Variants in PCCB observed in about 807,000 individuals in gnomAD.
PCCB encodes propionyl-CoA carboxylase beta chain, mitochondrial.
Under a neutral mutation model 60.7 loss-of-function variants are expected in PCCB, and 43 were observed. The ratio of observed to expected loss-of-function variants is 0.71; its 90% CI spans 0.55 to 0.91. The LOEUF (loss-of-function observed/expected upper bound fraction) is 0.91. PCCB is among the 40% of genes least tolerant of loss of function. PCCB has a pLI of 0.00. For synonymous variants in PCCB, 276 were observed against 255.9 expected (o/e 1.08, Z -0.75); for missense variants, 766 against 702.8 (o/e 1.09, Z -1.02).
intron 5 of PCCB, among the ~76,000 whole-genome samples, chr3:136,264,083 T>A (rs1160900639): frequency 6.6e-6 from 1 of 152,124 alleles, no homozygotes; most frequent in Non-Finnish European, 1.5e-5. Flanking sequence ...TATGTCCTTT[T>A]CCCAGATTCA....
At chr3:136,273,590 C>CTTT (rs1942257481) in intron 5 of PCCB, among the ~76,000 whole-genome samples, 1 of 65,638 alleles carries the variant, frequency 1.5e-5, no homozygotes, top group African/African-American at 6.0e-5. Context: ...TTTTTTTTTT[C>CTTT]TTTTTTCTTT....
intron 6 of PCCB, 61 bp from the exon 7 acceptor site, chr3:136,293,695 C>A: frequency 9.6e-7 from 1 of 1,038,254 alleles, no homozygotes; most frequent in Non-Finnish European, 1.5e-6. Context: ...TGAATCAACT[C>A]TAAGGCTGTG....
rs150955218 is a variant in PCCB at position 136,284,750 on chromosome 3, A to C, written c.654+803A>C. On this transcript the variant is annotated intron_variant, in intron 6 of 14. Coordinates refer to ENST00000251654, the MANE Select transcript of PCCB (RefSeq NM_000532.5). ...CTATTCTGTTCTTAGTGATATACCGAAAGTAGTGTAAGTGTTCAACAATAA... is the reference window on the plus strand; with the variant it reads ...CTATTCTGTTCTTAGTGATATACCGCAAGTAGTGTAAGTGTTCAACAATAA... Among the ~76,000 whole-genome samples the C allele has an allele frequency of 5.4e-3, 821 of 152,252 alleles. 8 individuals carry two copies. The highest frequency in any genetic ancestry group is 0.018 in the African/African-American group (760 of 41,524).
intron 10 of PCCB, among the ~76,000 whole-genome samples, chr3:136,323,487 T>C (rs1263655442): frequency 7.9e-5 from 12 of 152,226 alleles, no homozygotes. Flanking sequence ...TTTGAATATA[T>C]TTAAGACTAG....
At chr3:136,317,623 AT>A (rs1221849696) in intron 10 of PCCB, among the ~76,000 whole-genome samples, 2 of 152,094 alleles carry the variant, frequency 1.3e-5, no homozygotes, top group African/African-American at 4.8e-5. Flanking sequence ...AAGGTTTTCA[AT>A]TTTTTAGGGG....
intron 8 of PCCB, among the ~76,000 whole-genome samples, chr3:136,300,048 C>CCA (rs566173418): frequency 6.6e-6 from 1 of 151,076 alleles, no homozygotes; most frequent in Non-Finnish European, 1.5e-5. Flanking sequence ...ATATGCATGC[C>CCA]CACACACATG....
rs1469031248 is a variant in PCCB, at chr3:136,250,493, G to A, written c.118G>A (p.Glu40Lys). The change falls in exon 1 of 15, where the codon GAA (glutamate) becomes AAA (lysine). Residue 40 changes from glutamate to lysine, a missense_variant. Glu to Lys is a moderately conservative substitution (Grantham distance 56). Coordinates refer to ENST00000251654, the MANE Select transcript of PCCB (RefSeq NM_000532.5). ...SQATSVNERI[E>K]NKRRTALLGG... The stretch of plus-strand genomic sequence containing the variant: ...GGCCACCTCTGTTAACGAACGCATC[G>A]AAAACAAGCGCCGGACCGCGCTGCT... The A allele has an allele frequency of 6.2e-7, 1 of 1,612,930 alleles. No homozygotes were observed. Among genetic ancestry groups the A allele is most frequent in the Admixed American group, 1.7e-5 (1 of 59,950 alleles).
At position 136,328,804 on chromosome 3, in the gene PCCB, C is replaced by T; in HGVS notation, c.1445C>T (p.Ala482Val). ...IFKGHENVEA[A>V]QAEYIEKFAN... ...AAAGGGCATGAGAATGTGGAAGCTG[C>T]TCAGGCAGAGTACATCGAGAAGTTT... Residue 482 changes from alanine to valine, a missense_variant, in exon 14 of 15, where the codon GCT becomes GTT. Coordinates refer to ENST00000251654, the MANE Select transcript of PCCB (RefSeq NM_000532.5). 2 of 1,614,198 alleles carry T rather than the reference C, an allele frequency of 1.2e-6. No homozygotes were observed. The highest frequency in any genetic ancestry group is 1.7e-6 in the Non-Finnish European group (2 of 1,180,012).
intron 13 of PCCB, among the ~76,000 whole-genome samples, chr3:136,328,003 G>C (rs1246889356): frequency 6.6e-6 from 1 of 152,184 alleles, no homozygotes; most frequent in Non-Finnish European, 1.5e-5. Context: ...GGGGTCCAGA[G>C]TGGTTTTGAG....
chr3:136,262,110 T>G, intron 5 of PCCB, 45 bp downstream of exon 5: 2 of 1,228,088 alleles, frequency 1.6e-6, no homozygotes, highest in Non-Finnish European at 2.3e-6. Context: ...AGGGCTTAAG[T>G]TCTCTAAGCC....
At chr3:136,273,396 C>A (rs1423102426) in intron 5 of PCCB, among the ~76,000 whole-genome samples, 2 of 151,990 alleles carry the variant, frequency 1.3e-5, no homozygotes, top group Admixed American at 6.6e-5. Flanking sequence ...CAAAAAGAGT[C>A]TAGTGCTGTC....
chr3:136,297,365 G>A (rs546261804), intron 7 of PCCB, among the ~76,000 whole-genome samples: 1 of 152,262 alleles, frequency 6.6e-6, no homozygotes, highest in East Asian at 1.9e-4. Flanking sequence ...GAGAGTTCTT[G>A]GCTCCGCTTT....
intron 10 of PCCB, 57 bp downstream of exon 10, chr3:136,317,121 G>A (rs1934927554): frequency 6.3e-7 from 1 of 1,591,436 alleles, no homozygotes; most frequent in South Asian, 1.1e-5. Flanking sequence ...GGAAGCCTGG[G>A]TCCATGGTAT....
chr3:136,268,681 C>T (rs1407615917), intron 5 of PCCB, among the ~76,000 whole-genome samples: 3 of 151,942 alleles, frequency 2.0e-5, no homozygotes, highest in Non-Finnish European at 2.9e-5. Context: ...TCAGGCTGGT[C>T]TTGAACACCT....
At chr3:136,270,780 A>G (rs1216150587) in intron 5 of PCCB, among the ~76,000 whole-genome samples, 2 of 152,210 alleles carry the variant, frequency 1.3e-5, no homozygotes, top group African/African-American at 4.8e-5. Flanking sequence ...TACTGGGATT[A>G]CAGGCATGAG....
intron 7 of PCCB, among the ~76,000 whole-genome samples, chr3:136,294,393 C>T (rs1424767385): frequency 6.6e-6 from 1 of 151,846 alleles, no homozygotes; most frequent in East Asian, 1.9e-4. Flanking sequence ...CTTATTGCAA[C>T]CTCCGCCTCC....
In PCCB at chr3:136,307,230, G is replaced by A. The variant is rs997241275; in HGVS notation, c.966+6119G>A. On this transcript the variant is annotated intron_variant, in intron 9 of 14. Coordinates refer to ENST00000251654, the MANE Select transcript of PCCB (RefSeq NM_000532.5). ...AGGCTTTCTTGAGGAATCTACTAGA[G>A]AATGAGCTTTATCCAATCAAGAGGT... Among the ~76,000 whole-genome samples, 18 of 122,180 alleles carry A rather than the reference G, an allele frequency of 1.5e-4. 5 individuals carry two copies. The highest frequency in any genetic ancestry group is 1.5e-4 in the Non-Finnish European group (8 of 54,842). 80.2% of individuals were successfully genotyped at this position (122,180 alleles called of 152,430 possible).
At chr3:136,276,848 G>C (rs1442451388) in intron 5 of PCCB, among the ~76,000 whole-genome samples, 1 of 152,226 alleles carries the variant, frequency 6.6e-6, no homozygotes, top group East Asian at 1.9e-4. Context: ...CTTCCCATCA[G>C]TGGAAAGATC....
At chr3:136,259,936 G>A (rs904020521) in intron 3 of PCCB, among the ~76,000 whole-genome samples, 12 of 147,730 alleles carry the variant, frequency 8.1e-5, no homozygotes, top group African/African-American at 2.8e-4. Flanking sequence ...TATTTTAGTA[G>A]AGATGGGGTT....
Sources: gnomAD v4.1 joint callset for allele counts (sites outside exome capture counted in the v4.1 genomes callset) on GRCh38, gnomAD v4.1.1 for gene constraint, MANE v1.5 for transcripts, NCBI Gene and HGNC (gene_info 2026-07-23, HGNC 2026-07-21) for gene names.